GORASP2: variants seen among roughly 807,000 people sequenced by gnomAD.
GORASP2 encodes golgi reassembly stacking protein 2.
Under a neutral mutation model 45.7 loss-of-function variants are expected in GORASP2, and 22 were observed. That is an observed-to-expected ratio of 0.48 (90% confidence interval 0.34 to 0.69). GORASP2 has a LOEUF of 0.69. Ranked by LOEUF, GORASP2 falls within the 30% of genes least tolerant of loss-of-function variation. The probability of loss-of-function intolerance (pLI) is 0.01; values close to 1 mark genes in which losing one functional copy is unlikely to be tolerated. For synonymous variants in GORASP2, 221 were observed against 215.6 expected, an observed-to-expected ratio of 1.02 and a Z score of -0.22; for missense variants, 491 against 562.7, an observed-to-expected ratio of 0.87 and a Z score of 1.29.
At chr2:170,956,333 T>A in intron 6 of GORASP2, 103 bp from the exon 7 acceptor site, 1 of 1,017,504 alleles carries the variant, frequency 9.8e-7, no homozygotes. Context: ...ACAGCTCATG[T>A]GTGAACCAAA....
chr2:170,945,410 C>T (rs1481684461), intron 1 of GORASP2, among the ~76,000 whole-genome samples: 1 of 151,024 alleles, frequency 6.6e-6, no homozygotes, highest in African/African-American at 2.4e-5. Context: ...CATGGTGGTG[C>T]ACACGTGTCC....
rs1046068906 is a variant in GORASP2 at position 170,967,104 on chromosome 2, G to C, written c.*974G>C. 1 of 152,128 alleles carries C rather than the reference G, an allele frequency of 6.6e-6. No individual in the cohort carries two copies. The highest frequency in any genetic ancestry group is 1.5e-5 in the Non-Finnish European group (1 of 68,032). 9.4% of individuals were successfully genotyped at this position (152,128 alleles called of 1,614,324 possible). A position where few individuals can be genotyped will look rare whatever the true frequency, so the allele number is the denominator to read the frequency against. On this transcript the variant is annotated 3_prime_UTR_variant, in exon 10 of 10. Coordinates refer to ENST00000234160, the MANE Select transcript of GORASP2 (RefSeq NM_015530.5). ...ATTGATTTACTGAATGAAATTAAAT[G>C]CAGATATCCCTGTTTTTGAAATAAG...
chr2:170,946,188 A>G lies in GORASP2; in HGVS notation c.64-2162A>G, dbSNP rs76968668. On this transcript the variant is annotated intron_variant, in intron 1 of 9. Transcript: ENST00000234160. ...CCCCATACCTGGCTAATTTTTTTGT[A>G]GAAACAGGGGTCTCCCTATATTGCC... 8.5e-3 allele frequency among the ~76,000 whole-genome samples: 1,299 copies of G among 152,000 alleles called. 15 individuals are homozygous for G. Among genetic ancestry groups the G allele is most frequent in the Non-Finnish European group, 0.014 (977 of 67,932 alleles).
At chr2:170,928,565 G>A (rs1278531641), upstream of GORASP2, 1 of 152,350 alleles carries the variant, frequency 6.6e-6, no homozygotes, top group Non-Finnish European at 1.5e-5. Context: ...AAGGAGGTAG[G>A]ACGGGGAACC....
intron 9 of GORASP2, among the ~76,000 whole-genome samples, chr2:170,964,391 G>A (rs758399435): frequency 2.6e-5 from 4 of 152,198 alleles, no homozygotes; most frequent in African/African-American, 7.2e-5. Context: ...AGTGGCTCAC[G>A]CCTATAATGC....
chr2:170,956,381 T>C, intron 6 of GORASP2, 55 bp from the exon 7 acceptor site: 1 of 1,501,092 alleles, frequency 6.7e-7, no homozygotes, highest in Non-Finnish European at 9.0e-7. Flanking sequence ...AATATTTATA[T>C]TTTCTTTGAA....
chr2:170,945,565 A>G (rs553691008), intron 1 of GORASP2, among the ~76,000 whole-genome samples: 1 of 152,168 alleles, frequency 6.6e-6, no homozygotes, highest in South Asian at 2.1e-4. Context: ...TTGATATTTA[A>G]CTTATTTAAT....
intron 1 of GORASP2, among the ~76,000 whole-genome samples, chr2:170,937,334 A>AAGT (rs975969779): frequency 2.6e-5 from 4 of 152,136 alleles, no homozygotes; most frequent in Admixed American, 2.6e-4. Context: ...CTAGCCTTCC[A>AAGT]AGTAGTTGGG....
chr2:170,929,693 T>C (rs986043027), intron 1 of GORASP2: 10 of 627,288 alleles, frequency 1.6e-5, no homozygotes, highest in Non-Finnish European at 2.7e-5. Flanking sequence ...ACAACCTTGC[T>C]CTTTTTCCGC....
intron 7 of GORASP2, among the ~76,000 whole-genome samples, chr2:170,957,844 A>G (rs921322749): frequency 1.3e-5 from 2 of 152,080 alleles, no homozygotes; most frequent in Non-Finnish European, 2.9e-5. Flanking sequence ...ATGTTTTTGT[A>G]GGGCTGGGGT....
chr2:170,943,146 G>A (rs1704114162), intron 1 of GORASP2, among the ~76,000 whole-genome samples: 1 of 152,154 alleles, frequency 6.6e-6, no homozygotes. Context: ...AGGTCTCAAA[G>A]ATATTCTCTT....
intron 7 of GORASP2, among the ~76,000 whole-genome samples, chr2:170,958,692 A>T: frequency 8.2e-6 from 1 of 121,752 alleles, no homozygotes; most frequent in Admixed American, 1.0e-4. Context: ...AAAAAAACAG[A>T]CTCTGTTGCC....
In GORASP2 at chr2:170,950,196, C is replaced by T; in HGVS notation, c.349-8C>T. On this transcript the variant is annotated splice_region_variant and splice_polypyrimidine_tract_variant and intron_variant, in intron 3 of 9. Coordinates refer to ENST00000234160, the MANE Select transcript of GORASP2 (RefSeq NM_015530.5). Reference sequence around the variant, plus strand: ...TTAATTTTAGGGTGTGTGTTTATGTCATTCTAGGAGGTGGAATCAAATTCT... The same window carrying T: ...TTAATTTTAGGGTGTGTGTTTATGTTATTCTAGGAGGTGGAATCAAATTCT... The T allele has an allele frequency of 7.0e-7, 1 of 1,423,350 alleles. No homozygotes were observed. Among genetic ancestry groups the T allele is most frequent in the Non-Finnish European group, 9.8e-7 (1 of 1,019,122 alleles). 88.2% of individuals were successfully genotyped at this position (1,423,350 alleles called of 1,614,324 possible). A position where few individuals can be genotyped will look rare whatever the true frequency, so the allele number is the denominator to read the frequency against.
chr2:170,946,672 C>T (rs1277730237), intron 1 of GORASP2, among the ~76,000 whole-genome samples: 4 of 150,606 alleles, frequency 2.7e-5, no homozygotes, highest in Admixed American at 1.3e-4. Context: ...TGGCTCACAC[C>T]TGTAATCCCA....
Position 170,954,838 on chromosome 2 carries a change from G to A in GORASP2, c.699+56G>A, listed in dbSNP as rs528720535. The A allele has an allele frequency of 1.4e-5, 19 of 1,386,128 alleles. No individual in the cohort carries two copies. The East Asian group carries it at 1.6e-4, about 12-fold the overall frequency. The allele number at this position is 1,386,128 out of a possible 1,614,324, so 85.9% of individuals were successfully genotyped here. On this transcript the variant is annotated intron_variant, in intron 6 of 9. Transcript: ENST00000234160. The stretch of plus-strand genomic sequence containing the variant: ...TAAAGTTTTTACCAAAACGAGTCAC[G>A]TGTTTCAGTGCTACTATATGGCAGT...
At chr2:170,960,767 T>C (rs1253878240) in intron 7 of GORASP2, among the ~76,000 whole-genome samples, 2 of 152,230 alleles carry the variant, frequency 1.3e-5, no homozygotes, top group African/African-American at 2.4e-5. Context: ...AGTTAGACTT[T>C]TCTTATTTTT....
chr2:170,934,124 A>G (rs1204251513), intron 1 of GORASP2, among the ~76,000 whole-genome samples: 1 of 152,150 alleles, frequency 6.6e-6, no homozygotes, highest in African/African-American at 2.4e-5. Context: ...CCTATCTGCA[A>G]TCCTGTTGTG....
chr2:170,956,585 T>A, intron 7 of GORASP2, 26 bp downstream of exon 7: 1 of 1,582,410 alleles, frequency 6.3e-7, no homozygotes, highest in East Asian at 2.2e-5. Context: ...TATTCTGTTT[T>A]CAGTCTATTT....
At chr2:170,929,076 C>A (rs541172533), upstream of GORASP2, 11 of 375,820 alleles carry the variant, frequency 2.9e-5, no homozygotes, top group Non-Finnish European at 5.2e-5. Flanking sequence ...CGGTGCCTCC[C>A]AGTCCTCCTC....
Sources: gnomAD v4.1 joint callset for allele counts (sites outside exome capture counted in the v4.1 genomes callset) on GRCh38, gnomAD v4.1.1 for gene constraint, MANE v1.5 for transcripts, NCBI Gene and HGNC (gene_info 2026-07-23, HGNC 2026-07-21) for gene names.